Variants in NTNG2 observed in about 807,000 individuals in gnomAD.
The protein encoded by NTNG2 is netrin G2.
In NTNG2, 15 loss-of-function variants were observed where a neutral mutation model predicts 47.6. The ratio of observed to expected loss-of-function variants is 0.32; its 90% CI spans 0.21 to 0.49. The LOEUF (loss-of-function observed/expected upper bound fraction) is 0.49, where lower values mean the gene tolerates loss of function less well. NTNG2 is among the 20% of genes least tolerant of loss of function. The pLI is 0.99. For missense variants in NTNG2, 578 were observed against 764.6 expected, an observed-to-expected ratio of 0.76 and a Z score of 2.88; for synonymous variants, 307 against 324.6, an observed-to-expected ratio of 0.95 and a Z score of 0.58.
intron 3 of NTNG2, among the ~76,000 whole-genome samples, chr9:132,210,806 C>G (rs529344742): frequency 6.6e-6 from 1 of 152,020 alleles, no homozygotes; most frequent in African/African-American, 2.4e-5. Flanking sequence ...GCAGAGGGAG[C>G]GTGGGGTGGG....
intron 6 of NTNG2, among the ~76,000 whole-genome samples, chr9:132,240,287 G>A (rs1222556682): frequency 6.6e-6 from 1 of 152,248 alleles, no homozygotes; most frequent in Non-Finnish European, 1.5e-5. Context: ...GCAGGGACAG[G>A]GCAGGGCCTT....
intron 3 of NTNG2, among the ~76,000 whole-genome samples, chr9:132,223,746 C>CGCAGG (rs1280856116): frequency 1.3e-5 from 2 of 152,192 alleles, no homozygotes; most frequent in Admixed American, 6.5e-5. Flanking sequence ...GGCCTCTATT[C>CGCAGG]GCAGGATCTC....
intron 4 of NTNG2, among the ~76,000 whole-genome samples, chr9:132,227,622 T>C (rs1840877216): frequency 6.6e-6 from 1 of 152,134 alleles, no homozygotes; most frequent in Non-Finnish European, 1.5e-5. Context: ...GCTTCCGTTA[T>C]CCCTTTTTAC....
intron 2 of NTNG2, among the ~76,000 whole-genome samples, chr9:132,168,876 A>C (rs751273857): frequency 3.3e-5 from 5 of 152,178 alleles, no homozygotes; most frequent in Non-Finnish European, 5.9e-5. Flanking sequence ...CTTTGGGTCG[A>C]GGGCTTGAGG....
At chr9:132,187,610 AGAGG>A (rs1395402693) in intron 2 of NTNG2, among the ~76,000 whole-genome samples, 2 of 141,710 alleles carry the variant, frequency 1.4e-5, no homozygotes, top group Non-Finnish European at 3.1e-5. Context: ...ACAGAAAACA[AGAGG>A]GAGGGAGGGA....
chr9:132,191,617 G>T (rs976069256), intron 2 of NTNG2, among the ~76,000 whole-genome samples: 22 of 151,788 alleles, frequency 1.4e-4, no homozygotes, highest in African/African-American at 5.3e-4. Context: ...AGGCTGGAGT[G>T]CTGGAGTGCA....
In NTNG2 at chr9:132,236,251, T is replaced by C. The variant is rs1266628192; in HGVS notation, c.1055-2853T>C. ...CCGGGGCAAAGGCTTGGCAGTGGGATGGCAGGGAGCCTGACAAAGTGGAAA... is the reference window on the plus strand; with the variant it reads ...CCGGGGCAAAGGCTTGGCAGTGGGACGGCAGGGAGCCTGACAAAGTGGAAA... On this transcript the variant is annotated intron_variant, in intron 5 of 7. Transcript: ENST00000393229. The surrounding 1 kb of genome is among the most constrained non-coding windows in gnomAD (Gnocchi z 4.3). Among the ~76,000 whole-genome samples, 1 of 152,114 alleles carries C rather than the reference T, an allele frequency of 6.6e-6. No individual in the cohort carries two copies. The highest frequency in any genetic ancestry group is 1.5e-5 in the Non-Finnish European group (1 of 68,004).
At position 132,230,594 on chromosome 9, in the gene NTNG2, C is replaced by T. The variant is rs1589540890; in HGVS notation, c.1053C>T (p.Gly351=). The T allele has an allele frequency of 6.2e-7, 1 of 1,604,890 alleles. No homozygotes were observed. Among genetic ancestry groups the T allele is most frequent in the African/African-American group, 1.3e-5 (1 of 74,966 alleles). ...CAGGTGCCACTGCAGGTTCCTTTGG[C>T]AGTAAGTACACGCCTGGGGAGGGTG... The part of the protein sequence containing the change: ...PNACATAGSF[G]NCECYGHSNR... The change falls in exon 5 of 8, where the codon GGC becomes GGT. Residue 351 remains glycine, a splice_region_variant and synonymous_variant. Transcript: ENST00000393229.
chr9:132,205,462 G>A (rs377240118), intron 3 of NTNG2, among the ~76,000 whole-genome samples: 9 of 152,180 alleles, frequency 5.9e-5, no homozygotes, highest in Admixed American at 2.6e-4. Flanking sequence ...GGGGGAAGGC[G>A]GAATGGGGGT....
At chr9:132,183,332 C>T (rs1265120081) in intron 2 of NTNG2, among the ~76,000 whole-genome samples, 1 of 152,204 alleles carries the variant, frequency 6.6e-6, no homozygotes, top group Non-Finnish European at 1.5e-5. Context: ...CCTGGCCTCC[C>T]TTTGGCCTTC....
chr9:132,168,587 C>T (rs937119730), intron 2 of NTNG2, among the ~76,000 whole-genome samples: 17 of 152,108 alleles, frequency 1.1e-4, no homozygotes, highest in Admixed American at 5.9e-4. Context: ...GAAGGCGGCA[C>T]GAAGCCAGGA....
At position 132,236,092 on chromosome 9, in the gene NTNG2, C is replaced by T. The variant is rs1237811590; in HGVS notation, c.1055-3012C>T. ...ACCCCCCTCTCCAGCTGCCCTTGCTCACAGGACACCTGGGCAGTTGCTGGA... is the reference window on the plus strand; with the variant it reads ...ACCCCCCTCTCCAGCTGCCCTTGCTTACAGGACACCTGGGCAGTTGCTGGA... On this transcript the variant is annotated intron_variant, in intron 5 of 7. Coordinates refer to ENST00000393229, the MANE Select transcript of NTNG2 (RefSeq NM_032536.4). The surrounding 1 kb of genome is among the most constrained non-coding windows in gnomAD (Gnocchi z 4.3). 6.6e-6 allele frequency among the ~76,000 whole-genome samples: 1 copy of T among 152,234 alleles called. No homozygotes were observed. Among genetic ancestry groups the T allele is most frequent in the Non-Finnish European group, 1.5e-5 (1 of 68,034 alleles).
At position 132,163,711 on chromosome 9, in the gene NTNG2, C is replaced by T. The variant is rs1354136327; in HGVS notation, c.-484+1472C>T. Among the ~76,000 whole-genome samples, 3 of 152,210 alleles carry T rather than the reference C, an allele frequency of 2.0e-5. No homozygotes were observed. The highest frequency in any genetic ancestry group is 7.2e-5 in the African/African-American group (3 of 41,458). ...CGCCCGCCGCGGCAAGTTTCCCACA[C>T]GGCGAGGGCGCAGCAGGCAACTCCA... On this transcript the variant is annotated intron_variant, in intron 1 of 7. Coordinates refer to ENST00000393229, the MANE Select transcript of NTNG2 (RefSeq NM_032536.4). This position sits in a 1 kb window ranked among gnomAD's most constrained non-coding sequence, Gnocchi z 7.2.
At chr9:132,209,827 G>A (rs1349764640) in intron 3 of NTNG2, among the ~76,000 whole-genome samples, 1 of 151,884 alleles carries the variant, frequency 6.6e-6, no homozygotes, top group Non-Finnish European at 1.5e-5. Flanking sequence ...GAATGGGGAG[G>A]GGAGAGGGCT....
chr9:132,232,831 A>G (rs1259208740), intron 5 of NTNG2: 3 of 152,284 alleles, frequency 2.0e-5, no homozygotes, highest in African/African-American at 7.2e-5. Context: ...GCATTTCTAA[A>G]GGGCAGAGTC....
chr9:132,188,571 C>T (rs528572993), intron 2 of NTNG2, among the ~76,000 whole-genome samples: 3 of 152,160 alleles, frequency 2.0e-5, no homozygotes, highest in Non-Finnish European at 4.4e-5. Context: ...TCCCTGGGAG[C>T]GTGGGAGGTG....
At chr9:132,199,845 C>G (rs1589446205) in intron 3 of NTNG2, among the ~76,000 whole-genome samples, 1 of 152,162 alleles carries the variant, frequency 6.6e-6, no homozygotes, top group African/African-American at 2.4e-5. Flanking sequence ...TCTTGCCCAG[C>G]TCTGGAGAGG....
At chr9:132,225,809 T>C (rs1840710049) in intron 3 of NTNG2, among the ~76,000 whole-genome samples, 1 of 152,184 alleles carries the variant, frequency 6.6e-6, no homozygotes, top group Admixed American at 6.5e-5. Context: ...GTCCATCCTT[T>C]TTCCGTATCA....
At position 132,226,785 on chromosome 9, in the gene NTNG2, C is replaced by G. The variant is rs538395854; in HGVS notation, c.858-64C>G. On this transcript the variant is annotated intron_variant, in intron 3 of 7. Coordinates refer to ENST00000393229, the MANE Select transcript of NTNG2 (RefSeq NM_032536.4). This position sits in a 1 kb window ranked among gnomAD's most constrained non-coding sequence, Gnocchi z 4.8. ...CCCCTCCTGGGAGGCGCTCCTTTCC[C>G]CAGAGGCCAGGCCAGGCTGCCCACA... 7.0e-7 allele frequency: 1 copy of G among 1,434,574 alleles called. No homozygotes were observed. The highest frequency in any genetic ancestry group is 1.4e-5 in the South Asian group (1 of 72,220). 88.9% of individuals were successfully genotyped at this position (1,434,574 alleles called of 1,614,324 possible).
Sources: allele counts gnomAD v4.1 joint callset (sites outside exome capture counted in the v4.1 genomes callset), GRCh38; gene constraint gnomAD v4.1.1; non-coding constraint Gnocchi (gnomAD v3.1); transcripts MANE v1.5; gene names NCBI Gene and HGNC (gene_info 2026-07-23, HGNC 2026-07-21).